Variants in PABPC4L observed in about 807,000 individuals in gnomAD.
The protein encoded by PABPC4L is polyadenylate-binding protein 4-like.
For synonymous variants in PABPC4L, 169 were observed against 164.1 expected, an observed-to-expected ratio of 1.03 and a Z score of -0.23; for missense variants, 452 against 451.4, an observed-to-expected ratio of 1.00 and a Z score of -0.01.
the PABPC4L span, among the ~76,000 whole-genome samples, chr4:133,980,396 A>C: frequency 8.0e-3 from 1,212 of 152,298 alleles, 20 homozygotes; most frequent in African/African-American, 0.028. Flanking sequence ...TCTTAGAATC[A>C]ACCCACAAGT....
chr4:134,101,242 G>T, the PABPC4L span, among the ~76,000 whole-genome samples: 1 of 151,494 alleles, frequency 6.6e-6, no homozygotes. Flanking sequence ...CTTAAATGAG[G>T]AATACATGCC....
the PABPC4L span, among the ~76,000 whole-genome samples, chr4:134,075,468 T>C: frequency 6.6e-6 from 1 of 152,184 alleles, no homozygotes; most frequent in African/African-American, 2.4e-5. Flanking sequence ...GAGTGATATC[T>C]GCTGAATCAA....
the PABPC4L span, among the ~76,000 whole-genome samples, chr4:134,141,208 T>G: frequency 6.6e-6 from 1 of 151,774 alleles, no homozygotes; most frequent in South Asian, 2.1e-4. Context: ...GTCCAAGTCA[T>G]GCAGTTCCAA....
the PABPC4L span, among the ~76,000 whole-genome samples, chr4:133,966,554 C>A: frequency 7.9e-5 from 12 of 152,228 alleles, no homozygotes; most frequent in East Asian, 3.9e-4. Flanking sequence ...TGGAACCAAC[C>A]CAAATGCCCA....
chr4:134,174,287 C>G, the PABPC4L span, among the ~76,000 whole-genome samples: 1 of 151,306 alleles, frequency 6.6e-6, no homozygotes, highest in East Asian at 1.9e-4. Flanking sequence ...TTTACAGTTA[C>G]CTTTAAAAAA....
the PABPC4L span, among the ~76,000 whole-genome samples, chr4:134,152,583 T>G: frequency 6.6e-6 from 1 of 152,094 alleles, no homozygotes; most frequent in South Asian, 2.1e-4. Context: ...ATCTGCACAC[T>G]CAATACCATG....
At chr4:134,029,527 T>A in the PABPC4L span, among the ~76,000 whole-genome samples, 1 of 152,036 alleles carries the variant, frequency 6.6e-6, no homozygotes, top group Non-Finnish European at 1.5e-5. Context: ...CAAGAAGTAA[T>A]AATAGGTTTG....
chr4:134,090,340 T>C, the PABPC4L span, among the ~76,000 whole-genome samples: 2 of 152,154 alleles, frequency 1.3e-5, no homozygotes, highest in Middle Eastern at 3.2e-3. Flanking sequence ...ACTAATACTT[T>C]AATAGTTTCA....
chr4:133,998,018 A>G, the PABPC4L span, among the ~76,000 whole-genome samples: 4 of 152,052 alleles, frequency 2.6e-5, no homozygotes, highest in South Asian at 8.3e-4. Context: ...TACCACTTGT[A>G]TATAATCAAA....
chr4:134,116,275 C>A, the PABPC4L span, among the ~76,000 whole-genome samples: 1 of 151,720 alleles, frequency 6.6e-6, no homozygotes, highest in Non-Finnish European at 1.5e-5. Flanking sequence ...GGAAGAGTCA[C>A]ATTACATGTA....
At chr4:134,158,287 C>A in the PABPC4L span, among the ~76,000 whole-genome samples, 1 of 151,900 alleles carries the variant, frequency 6.6e-6, no homozygotes, top group Non-Finnish European at 1.5e-5. Context: ...AATATTTAAC[C>A]TACAGATACT....
At chr4:134,172,068 A>G in the PABPC4L span, among the ~76,000 whole-genome samples, 1 of 152,320 alleles carries the variant, frequency 6.6e-6, no homozygotes, top group East Asian at 1.9e-4. Context: ...AGGAAAAATC[A>G]ATATTGTTAT....
chr4:134,131,315 C>A, the PABPC4L span, among the ~76,000 whole-genome samples: 1 of 151,960 alleles, frequency 6.6e-6, no homozygotes, highest in Non-Finnish European at 1.5e-5. Context: ...ATCCAAAAAT[C>A]TCCTAGATAT....
At chr4:134,050,962 T>C in the PABPC4L span, among the ~76,000 whole-genome samples, 53 of 151,896 alleles carry the variant, frequency 3.5e-4, no homozygotes, top group African/African-American at 1.3e-3. Flanking sequence ...CTTCACCTAA[T>C]GTTACACATT....
the PABPC4L span, among the ~76,000 whole-genome samples, chr4:134,074,015 T>C: frequency 1.3e-5 from 2 of 152,120 alleles, no homozygotes; most frequent in South Asian, 4.2e-4. Context: ...CCTGGAGACA[T>C]TTTCTCTGTT....
chr4:133,997,948 A>G, the PABPC4L span, among the ~76,000 whole-genome samples: 2 of 151,920 alleles, frequency 1.3e-5, no homozygotes, highest in Non-Finnish European at 2.9e-5. Context: ...ATATATCAGC[A>G]ATATCTTCTC....
chr4:134,133,685 C>A, the PABPC4L span, among the ~76,000 whole-genome samples: 2 of 151,438 alleles, frequency 1.3e-5, no homozygotes, highest in Admixed American at 6.6e-5. Flanking sequence ...GGGGTCTCTG[C>A]GGAAAGGGTG....
the PABPC4L span, among the ~76,000 whole-genome samples, chr4:134,022,188 T>G: frequency 6.6e-6 from 1 of 152,186 alleles, no homozygotes; most frequent in African/African-American, 2.4e-5. Flanking sequence ...CTATTTATTC[T>G]GTTCAGTCAC....
chr4:133,970,691 A>C, the PABPC4L span, among the ~76,000 whole-genome samples: 14 of 152,100 alleles, frequency 9.2e-5, no homozygotes, highest in African/African-American at 3.4e-4. Flanking sequence ...CTAACCCTCA[A>C]GGTGGTAGTA....
Sources: allele counts gnomAD v4.1 joint callset (sites outside exome capture counted in the v4.1 genomes callset), GRCh38; gene constraint gnomAD v4.1.1; transcripts MANE v1.5; gene names NCBI Gene and HGNC (gene_info 2026-07-23, HGNC 2026-07-21).